The following AK5 variants were observed in gnomAD, a reference collection of about 807,000 sequenced individuals.
The protein encoded by AK5 is adenylate kinase 5, also known as adenylate kinase isoenzyme 5.
AK5 carries 27 observed loss-of-function variants against 69.5 expected under a neutral mutation model. The ratio of observed to expected loss-of-function variants is 0.39; its 90% CI spans 0.29 to 0.54. The LOEUF (loss-of-function observed/expected upper bound fraction) is 0.54, where lower values mean the gene tolerates loss of function less well. Among genes scored for constraint, AK5 ranks in the 20% least tolerant of loss-of-function variants. AK5 has a pLI of 0.71. For missense variants in AK5, 531 were observed against 700.4 expected, an observed-to-expected ratio of 0.76 and a Z score of 2.73; for synonymous variants, 260 against 244.4, an observed-to-expected ratio of 1.06 and a Z score of -0.60.
intron 6 of AK5, among the ~76,000 whole-genome samples, chr1:77,404,323 C>A (rs75540220): frequency 6.6e-6 from 1 of 151,962 alleles, no homozygotes; most frequent in African/African-American, 2.4e-5. Flanking sequence ...AGCCCCCTGA[C>A]CCCCTGCAAG....
At chr1:77,325,209 G>A (rs907458834) in intron 5 of AK5, among the ~76,000 whole-genome samples, 16 of 146,792 alleles carry the variant, frequency 1.1e-4, no homozygotes, top group African/African-American at 7.6e-5. Context: ...GTTTCACCAC[G>A]TTGGTCAGGC....
chr1:77,355,037 G>A (rs556524301), intron 6 of AK5, among the ~76,000 whole-genome samples: 14 of 151,810 alleles, frequency 9.2e-5, no homozygotes, highest in Non-Finnish European at 1.0e-4. Context: ...TTATTTTTTC[G>A]TTTTTTTACC....
intron 6 of AK5, among the ~76,000 whole-genome samples, chr1:77,367,621 T>A (rs61287505): frequency 5.2e-5 from 3 of 57,356 alleles, no homozygotes; most frequent in African/African-American, 1.1e-4. Context: ...ATATATATGT[T>A]ATATATGTAA....
intron 5 of AK5, among the ~76,000 whole-genome samples, chr1:77,309,868 A>T (rs1037464382): frequency 3.3e-5 from 5 of 152,086 alleles, no homozygotes; most frequent in Non-Finnish European, 7.3e-5. Context: ...CCTTTGCTAC[A>T]TATCTTATAA....
At chr1:77,465,499 C>T (rs1570186132) in intron 8 of AK5, among the ~76,000 whole-genome samples, 1 of 152,156 alleles carries the variant, frequency 6.6e-6, no homozygotes, top group East Asian at 1.9e-4. Context: ...CATTTCTTTG[C>T]TTTACCTCTT....
At chr1:77,330,956 AT>A (rs993036649) in intron 5 of AK5, among the ~76,000 whole-genome samples, 6 of 152,108 alleles carry the variant, frequency 3.9e-5, no homozygotes, top group African/African-American at 1.4e-4. Context: ...ACTTTTTAAA[AT>A]TTAATATTTT....
chr1:77,419,569 CAG>C (rs1650668906), intron 8 of AK5, among the ~76,000 whole-genome samples: 1 of 152,068 alleles, frequency 6.6e-6, no homozygotes, highest in South Asian at 2.1e-4. Context: ...TCAATTGAAA[CAG>C]AAATTCAATT....
chr1:77,535,806 G>T, intron 12 of AK5, 41 bp from the exon 13 acceptor site: 21 of 1,568,622 alleles, frequency 1.3e-5, no homozygotes, highest in Non-Finnish European at 1.8e-5. Context: ...CATCAGCAGG[G>T]TGAGGTTTCT....
At chr1:77,402,585 G>T (rs1306995420) in intron 6 of AK5, among the ~76,000 whole-genome samples, 1 of 151,854 alleles carries the variant, frequency 6.6e-6, no homozygotes, top group Non-Finnish European at 1.5e-5. Flanking sequence ...TGAGAATGAT[G>T]ATTTCCAGCT....
At chr1:77,423,991 G>A (rs1404807443) in intron 8 of AK5, among the ~76,000 whole-genome samples, 7 of 152,152 alleles carry the variant, frequency 4.6e-5, no homozygotes, top group East Asian at 3.9e-4. Flanking sequence ...GAAAAGTATC[G>A]AAAAACACTG....
chr1:77,316,524 TATC>T (rs1473668501), intron 5 of AK5, among the ~76,000 whole-genome samples: 1 of 152,202 alleles, frequency 6.6e-6, no homozygotes, highest in Non-Finnish European at 1.5e-5. Context: ...CTCAGAGGGC[TATC>T]ATCCTACTTG....
intron 2 of AK5, 135 bp from the exon 3 acceptor site, chr1:77,293,658 C>T: frequency 2.7e-6 from 2 of 736,290 alleles, no homozygotes; most frequent in Non-Finnish European, 4.3e-6. Context: ...CTGCTGACCA[C>T]TTAGGGAGAC....
intron 8 of AK5, among the ~76,000 whole-genome samples, chr1:77,469,507 C>T (rs997467735): frequency 6.6e-6 from 1 of 152,236 alleles, no homozygotes; most frequent in African/African-American, 2.4e-5. Flanking sequence ...GGATTTCAGA[C>T]TTACCTAACC....
Position 77,469,636 on chromosome 1 carries a change from C to T in AK5, c.1060-13681C>T, listed in dbSNP as rs568603505. Among the ~76,000 whole-genome samples, 10 of 152,324 alleles carry T rather than the reference C, an allele frequency of 6.6e-5. No individual in the cohort carries two copies. In the East Asian group the frequency reaches 9.6e-4, roughly 15 times the overall value. On this transcript the variant is annotated intron_variant, in intron 8 of 13. Coordinates refer to ENST00000354567, the MANE Select transcript of AK5 (RefSeq NM_174858.3). ...ACCCTAACTAATCCATGTGGTCAGC[C>T]GCTGGGTCAGCCAGAGCCTTGCTGA...
intron 8 of AK5, among the ~76,000 whole-genome samples, chr1:77,424,443 A>G (rs1381839780): frequency 6.6e-6 from 1 of 151,990 alleles, no homozygotes; most frequent in Non-Finnish European, 1.5e-5. Context: ...TTTTTTGTGT[A>G]GATGAGTCAT....
chr1:77,388,422 T>C (rs1364218809), intron 6 of AK5, among the ~76,000 whole-genome samples: 6 of 152,220 alleles, frequency 3.9e-5, no homozygotes, highest in Non-Finnish European at 2.9e-5. Context: ...AATTAATAGG[T>C]GTATTATCTC....
intron 10 of AK5, among the ~76,000 whole-genome samples, chr1:77,505,744 C>T (rs1656989169): frequency 6.6e-6 from 1 of 151,404 alleles, no homozygotes; most frequent in South Asian, 2.1e-4. Context: ...CAAAAATTAG[C>T]TGAGCATGGT....
intron 5 of AK5, among the ~76,000 whole-genome samples, chr1:77,329,708 C>T (rs1431044938): frequency 6.6e-6 from 1 of 152,174 alleles, no homozygotes; most frequent in African/African-American, 2.4e-5. Context: ...ATCTGAACCA[C>T]ATGAAGAATT....
chr1:77,449,819 G>A (rs1393889055), intron 8 of AK5, among the ~76,000 whole-genome samples: 3 of 152,078 alleles, frequency 2.0e-5, no homozygotes, highest in Admixed American at 6.6e-5. Flanking sequence ...TTAACATTCG[G>A]CTCCTCATTA....
Sources: gnomAD v4.1 joint callset for allele counts (sites outside exome capture counted in the v4.1 genomes callset) on GRCh38, gnomAD v4.1.1 for gene constraint, MANE v1.5 for transcripts, NCBI Gene and HGNC (gene_info 2026-07-23, HGNC 2026-07-21) for gene names.